Variants in ZNF148 observed in about 807,000 individuals in gnomAD.
The protein encoded by ZNF148 is Beta-Enolase Repressor Factor-1.
Under a neutral mutation model 67.7 loss-of-function variants are expected in ZNF148, and 7 were observed. The ratio of observed to expected loss-of-function variants is 0.10; its 90% CI spans 0.06 to 0.19. The LOEUF (loss-of-function observed/expected upper bound fraction) is 0.19, where lower values mean the gene tolerates loss of function less well. Among genes scored for constraint, ZNF148 ranks in the 10% least tolerant of loss-of-function variants. The pLI is 1.00. For missense variants in ZNF148, 583 were observed against 947.1 expected (o/e 0.62, Z 5.05); for synonymous variants, 333 against 330.7 (o/e 1.01, Z -0.08).
intron 1 of ZNF148, among the ~76,000 whole-genome samples, chr3:125,352,097 C>T (rs1942172924): frequency 6.7e-6 from 1 of 148,536 alleles, no homozygotes; most frequent in Non-Finnish European, 1.5e-5. Context: ...TGCACATGGA[C>T]GTTCACAGCA....
intron 1 of ZNF148, among the ~76,000 whole-genome samples, chr3:125,359,900 C>A (rs72975711): frequency 2.4e-3 from 365 of 152,318 alleles, no homozygotes; most frequent in African/African-American, 8.5e-3. Context: ...CATGCAGCTC[C>A]ACGCCGCTGC....
chr3:125,259,451 T>A (rs1309384473), intron 7 of ZNF148, among the ~76,000 whole-genome samples: 2 of 152,236 alleles, frequency 1.3e-5, no homozygotes, highest in Non-Finnish European at 2.9e-5. Context: ...TGATTTTTCA[T>A]AACATTAAAC....
At chr3:125,255,437 G>C (rs902910815) in intron 7 of ZNF148, among the ~76,000 whole-genome samples, 2 of 151,662 alleles carry the variant, frequency 1.3e-5, no homozygotes, top group South Asian at 4.2e-4. Context: ...AGTAGAGACG[G>C]GGTTTCCCCA....
chr3:125,359,226 T>C (rs577965709), intron 1 of ZNF148, among the ~76,000 whole-genome samples: 13 of 152,282 alleles, frequency 8.5e-5, no homozygotes, highest in Non-Finnish European at 1.3e-4. Context: ...CATTATTAAA[T>C]TTGGTGGCTA....
At chr3:125,257,722 A>AT (rs1444618492) in intron 7 of ZNF148, among the ~76,000 whole-genome samples, 5 of 151,950 alleles carry the variant, frequency 3.3e-5, no homozygotes, top group African/African-American at 1.2e-4. Context: ...ACCCTCAAAA[A>AT]TTTTTATTTT....
chr3:125,353,388 T>C (rs987389581), intron 1 of ZNF148, among the ~76,000 whole-genome samples: 3 of 152,060 alleles, frequency 2.0e-5, no homozygotes, highest in Non-Finnish European at 4.4e-5. Context: ...TGAATTTATA[T>C]ATGGCATAAA....
intron 4 of ZNF148, chr3:125,310,957 C>T: frequency 5.0e-6 from 1 of 201,568 alleles, no homozygotes. Flanking sequence ...CAGCATGCAG[C>T]TCCGTTTTGC....
At position 125,227,207 on chromosome 3, in the gene ZNF148, G is replaced by C. The variant is rs1935677788; in HGVS notation, c.*5134C>G. 1 of 152,434 alleles carries C rather than the reference G, an allele frequency of 6.6e-6. No individual in the cohort carries two copies. The highest frequency in any genetic ancestry group is 2.1e-4 in the South Asian group (1 of 4,822). The allele number at this position is 152,434 out of a possible 1,614,324, so 9.4% of individuals were successfully genotyped here. ...CCAATTCATTTAGTTCTATACAACA[G>C]TGTCTATATTATGTACATATTTAAT... is the stretch of plus-strand genomic sequence containing the variant. On this transcript the variant is annotated 3_prime_UTR_variant, in exon 9 of 9. Transcript: ENST00000360647.
intron 7 of ZNF148, among the ~76,000 whole-genome samples, chr3:125,263,382 C>A (rs964455280): frequency 2.0e-5 from 3 of 152,118 alleles, no homozygotes; most frequent in African/African-American, 7.2e-5. Context: ...GGAACCCTGT[C>A]TCTACTACAA....
At chr3:125,283,241 C>G (rs1426629837) in intron 5 of ZNF148, among the ~76,000 whole-genome samples, 1 of 152,114 alleles carries the variant, frequency 6.6e-6, no homozygotes, top group Non-Finnish European at 1.5e-5. Flanking sequence ...ATAACCTACT[C>G]TAACATTGTC....
intron 1 of ZNF148, among the ~76,000 whole-genome samples, chr3:125,347,606 C>T (rs1297797894): frequency 1.3e-5 from 2 of 150,790 alleles, no homozygotes; most frequent in Non-Finnish European, 2.9e-5. Flanking sequence ...CCCACTCTGT[C>T]ACCCAGGCTG....
chr3:125,286,628 A>T (rs1180828136), intron 5 of ZNF148, among the ~76,000 whole-genome samples: 1 of 152,214 alleles, frequency 6.6e-6, no homozygotes, highest in Non-Finnish European at 1.5e-5. Context: ...AATAATGTCC[A>T]ATAAAACAAC....
chr3:125,363,255 CAA>C, intron 1 of ZNF148, among the ~76,000 whole-genome samples: 1 of 152,206 alleles, frequency 6.6e-6, no homozygotes, highest in East Asian at 1.9e-4. Context: ...ATTAACACTT[CAA>C]TTATCAGTCC....
chr3:125,243,241 T>C (rs867630228), intron 7 of ZNF148, among the ~76,000 whole-genome samples: 2 of 152,230 alleles, frequency 1.3e-5, no homozygotes, highest in East Asian at 1.9e-4. Context: ...TGTCTTCTCA[T>C]TGATATTGTG....
At chr3:125,343,104 G>C (rs1020035715) in intron 1 of ZNF148, among the ~76,000 whole-genome samples, 1 of 152,154 alleles carries the variant, frequency 6.6e-6, no homozygotes, top group African/African-American at 2.4e-5. Flanking sequence ...TTCTGTAGAA[G>C]ATTCATCCTG....
chr3:125,372,140 C>T (rs891724911), intron 1 of ZNF148, among the ~76,000 whole-genome samples: 22 of 151,966 alleles, frequency 1.4e-4, no homozygotes, highest in African/African-American at 5.1e-4. Flanking sequence ...AGCAACTCCT[C>T]TTCATCTCTA....
rs542270535 is a variant in ZNF148 at position 125,309,487 on chromosome 3, T to C, written c.333+3821A>G. The stretch of plus-strand genomic sequence containing the variant: ...CCAAATAAATAATATTATAGGCATA[T>C]ACGACATGAACAAAAGTAACAGAAA... On this transcript the variant is annotated intron_variant, in intron 4 of 8. Transcript: ENST00000360647. Among the ~76,000 whole-genome samples, 3 of 152,236 alleles carry C rather than the reference T, an allele frequency of 2.0e-5. No homozygotes were observed. The East Asian group carries it at 5.8e-4, about 29-fold the overall frequency.
rs978203172 is a variant in ZNF148 at position 125,229,814 on chromosome 3, T to C, written c.*2527A>G. On this transcript the variant is annotated 3_prime_UTR_variant, in exon 9 of 9. Coordinates refer to ENST00000360647, the MANE Select transcript of ZNF148 (RefSeq NM_021964.3). ...AATTAAATAACCTTCTGAACCAAAG[T>C]GGGGAAATCCAAAACTGTTGAGATG... 1 of 152,284 alleles carries C rather than the reference T, an allele frequency of 6.6e-6. No homozygotes were observed. Among genetic ancestry groups the C allele is most frequent in the Non-Finnish European group, 1.5e-5 (1 of 68,010 alleles). 9.4% of individuals were successfully genotyped at this position (152,284 alleles called of 1,614,324 possible). A position where few individuals can be genotyped will look rare whatever the true frequency, so the allele number is the denominator to read the frequency against.
chr3:125,309,422 G>T (rs1027552107), intron 4 of ZNF148, among the ~76,000 whole-genome samples: 2 of 152,072 alleles, frequency 1.3e-5, no homozygotes, highest in Non-Finnish European at 2.9e-5. Context: ...TCACAAGAAA[G>T]AGACATCTTT....
Sources: gnomAD v4.1 joint callset for allele counts (sites outside exome capture counted in the v4.1 genomes callset) on GRCh38, gnomAD v4.1.1 for gene constraint, MANE v1.5 for transcripts, NCBI Gene and HGNC (gene_info 2026-07-23, HGNC 2026-07-21) for gene names.